POF1B: variants seen among roughly 807,000 people sequenced by gnomAD.
POF1B encodes the protein protein POF1B.
A neutral mutation model predicts 55.3 loss-of-function variants in POF1B; 53 were observed. The observed-to-expected ratio is 0.96, with a 90% confidence interval of 0.77 to 1.20. POF1B has a LOEUF of 1.20. Ranked by LOEUF, POF1B falls within the 50% of genes most tolerant of loss-of-function variation. The pLI, the probability that POF1B is intolerant of heterozygous loss-of-function variation, is 0.00. For synonymous variants in POF1B, 188 were observed against 148.3 expected, an observed-to-expected ratio of 1.27 and a Z score of -1.95; for missense variants, 478 against 420.5, an observed-to-expected ratio of 1.14 and a Z score of -1.20.
chrX:85,283,534 C>T lies in POF1B; in HGVS notation c.1650-1217G>A, dbSNP rs188533733. On this transcript the variant is annotated intron_variant, in intron 15 of 16. Transcript: ENST00000262753. ...ATTTAAAATAAAACATAAAAGAAAACGGAAAAAAATGAATGCAGCATGAAA... is the reference window on the plus strand; with the variant it reads ...ATTTAAAATAAAACATAAAAGAAAATGGAAAAAAATGAATGCAGCATGAAA... 1.4e-4 allele frequency among the ~76,000 whole-genome samples: 15 copies of T among 109,151 alleles called. No individual in the cohort carries two copies. The East Asian group carries it at 2.9e-3, about 21-fold the overall frequency. The allele number at this position is 109,151 out of a possible 115,157, so 94.8% of individuals were successfully genotyped here.
At chrX:85,335,385 A>C (rs917563200) in intron 6 of POF1B, among the ~76,000 whole-genome samples, 2 of 111,495 alleles carry the variant, frequency 1.8e-5, no homozygotes, top group African/African-American at 6.5e-5. Context: ...TGGATGTATA[A>C]GATTACTACT....
rs756962439 is a variant in POF1B, at chrX:85,289,434, G to A, written c.1650-7117C>T. 2.7e-5 allele frequency among the ~76,000 whole-genome samples: 3 copies of A among 111,970 alleles called. No individual in the cohort carries two copies. In the South Asian group the frequency reaches 1.1e-3, roughly 42 times the overall value. ...CTGCACGCTCTCATGTGCAATCACG[G>A]AGGGAGTTTCCAATACACTAGTCTC... On this transcript the variant is annotated intron_variant, in intron 15 of 16. Coordinates refer to ENST00000262753, the MANE Select transcript of POF1B (RefSeq NM_024921.4).
intron 2 of POF1B, 28 bp downstream of exon 2, chrX:85,379,145 T>C (rs775291930): frequency 3.4e-6 from 4 of 1,193,454 alleles, no homozygotes; most frequent in Admixed American, 2.2e-5. Flanking sequence ...CTTTCTCCAC[T>C]AGTCTGGCAT....
chrX:85,313,227 TGA>T (rs758782173), intron 9 of POF1B, among the ~76,000 whole-genome samples: 64 of 111,953 alleles, frequency 5.7e-4, no homozygotes, highest in Admixed American at 3.3e-3. Flanking sequence ...ATAGGAGTAG[TGA>T]GAGAGGGCAT....
chrX:85,350,619 C>T (rs996598647), intron 5 of POF1B, among the ~76,000 whole-genome samples: 3 of 111,440 alleles, frequency 2.7e-5, no homozygotes, highest in Non-Finnish European at 5.7e-5. Context: ...TTGACTTCCA[C>T]AATGGTTGAA....
chrX:85,314,662 T>C (rs1427947535), intron 8 of POF1B, among the ~76,000 whole-genome samples, 156 bp from the exon 9 acceptor site: 1 of 112,006 alleles, frequency 8.9e-6, no homozygotes, highest in Non-Finnish European at 1.9e-5. Flanking sequence ...TATAGCCTTA[T>C]CAGTTCTTAT....
At position 85,367,715 on chromosome X, in the gene POF1B, G is replaced by T; in HGVS notation, c.334C>A (p.His112Asn). Residue 112 changes from histidine to asparagine, a missense_variant, in exon 3 of 17, where the codon CAT becomes AAT. By Grantham distance (68) the His-to-Asn change is moderately conservative (BLOSUM62 1). Transcript: ENST00000262753. ...KISTCAPSTL[H>N]ITQNTEQELH... Reference sequence around the variant, plus strand: ...ACCTGTTCAGTATTTTGGGTTATATGTAGAGTACTTGGGGCACATGTAGAT... The same window carrying T: ...ACCTGTTCAGTATTTTGGGTTATATTTAGAGTACTTGGGGCACATGTAGAT... 1 of 1,174,094 alleles carries T rather than the reference G, an allele frequency of 8.5e-7. No individual in the cohort carries two copies. The highest frequency in any genetic ancestry group is 1.1e-6 in the Non-Finnish European group (1 of 870,515).
intron 15 of POF1B, among the ~76,000 whole-genome samples, chrX:85,292,846 TA>T (rs199735612): frequency 3.2e-4 from 32 of 100,634 alleles, no homozygotes; most frequent in Admixed American, 3.2e-4. Flanking sequence ...AACAACCCTG[TA>T]AAAAAAAAAA....
At chrX:85,329,778 G>A (rs776130196) in intron 7 of POF1B, among the ~76,000 whole-genome samples, 3 of 108,971 alleles carry the variant, frequency 2.8e-5, no homozygotes, top group Non-Finnish European at 5.7e-5. Flanking sequence ...TAATATGAAA[G>A]CAAGAAAAAT....
At chrX:85,322,165 G>C (rs971753644) in intron 7 of POF1B, among the ~76,000 whole-genome samples, 1 of 111,401 alleles carries the variant, frequency 9.0e-6, no homozygotes, top group Non-Finnish European at 1.9e-5. Flanking sequence ...AACAAGGCTG[G>C]AGGTATCATG....
At chrX:85,328,636 A>G (rs1174365022) in intron 7 of POF1B, among the ~76,000 whole-genome samples, 1 of 110,844 alleles carries the variant, frequency 9.0e-6, no homozygotes, top group Non-Finnish European at 1.9e-5. Flanking sequence ...TGGTTCTCAA[A>G]CTTGATCATG....
chrX:85,322,683 G>T (rs980398889), intron 7 of POF1B, among the ~76,000 whole-genome samples: 1 of 111,304 alleles, frequency 9.0e-6, no homozygotes, highest in African/African-American at 3.3e-5. Flanking sequence ...GAAAATTTTT[G>T]CAATCTACTC....
chrX:85,309,944 G>GC lies in POF1B; in HGVS notation c.958-1729dup, dbSNP rs202177309. On this transcript the variant is annotated intron_variant, in intron 9 of 16. Coordinates refer to ENST00000262753, the MANE Select transcript of POF1B (RefSeq NM_024921.4). ...AGGGAGCTTGGGCTTTCACCCTATCGCATCAAGAGAAGCTGAGTGGGGGAA... is the reference window on the plus strand; with the variant it reads ...AGGGAGCTTGGGCTTTCACCCTATCGCCATCAAGAGAAGCTGAGTGGGGGAA... Among the ~76,000 whole-genome samples, 778 of 112,066 alleles carry GC rather than the reference G, an allele frequency of 6.9e-3. 2 individuals carry two copies. The highest frequency in any genetic ancestry group is 0.012 in the Non-Finnish European group (615 of 53,190).
At chrX:85,358,622 C>CA (rs934186326) in intron 4 of POF1B, among the ~76,000 whole-genome samples, 1 of 109,706 alleles carries the variant, frequency 9.1e-6, no homozygotes, top group African/African-American at 3.3e-5. Flanking sequence ...TCAGGAACAA[C>CA]AAAAAGATAA....
chrX:85,343,134 CCTATATAAGCA>C (rs1933205033), intron 6 of POF1B, among the ~76,000 whole-genome samples: 1 of 109,200 alleles, frequency 9.2e-6, no homozygotes, highest in Non-Finnish European at 1.9e-5. Flanking sequence ...CACGTGTATA[CCTATATAAGCA>C]AACCTGCACG....
At chrX:85,300,327 C>T (rs1932416300) in intron 15 of POF1B, among the ~76,000 whole-genome samples, 1 of 111,583 alleles carries the variant, frequency 9.0e-6, no homozygotes, top group African/African-American at 3.3e-5. Flanking sequence ...CTATAAATTG[C>T]CTACCAGAAC....
At chrX:85,372,662 G>A (rs1466243987) in intron 2 of POF1B, among the ~76,000 whole-genome samples, 3 of 105,305 alleles carry the variant, frequency 2.8e-5, no homozygotes, top group African/African-American at 6.9e-5. Flanking sequence ...ACCATTGCCC[G>A]TTTATACCTA....
intron 4 of POF1B, among the ~76,000 whole-genome samples, chrX:85,358,323 A>G (rs1330395252): frequency 3.6e-5 from 4 of 111,256 alleles, no homozygotes; most frequent in Admixed American, 9.6e-5. Context: ...ACATCTCACC[A>G]TGTATTCTAC....
intron 6 of POF1B, among the ~76,000 whole-genome samples, chrX:85,339,410 G>A (rs1309776423): frequency 9.0e-6 from 1 of 111,070 alleles, no homozygotes; most frequent in African/African-American, 3.3e-5. Flanking sequence ...ATGGGTCCTT[G>A]GAGAAGAGGT....
Sources: gnomAD v4.1 joint callset for allele counts (sites outside exome capture counted in the v4.1 genomes callset) on GRCh38, gnomAD v4.1.1 for gene constraint, MANE v1.5 for transcripts, NCBI Gene and HGNC (gene_info 2026-07-23, HGNC 2026-07-21) for gene names.